The following GRAMD1A variants were observed in gnomAD, a reference collection of about 807,000 sequenced individuals.
GRAMD1A encodes protein Aster-A.
A neutral mutation model predicts 92.0 loss-of-function variants in GRAMD1A; 50 were observed. The ratio of observed to expected loss-of-function variants is 0.54; its 90% CI spans 0.43 to 0.69. The LOEUF (loss-of-function observed/expected upper bound fraction) is 0.69. Ranked by LOEUF, GRAMD1A falls within the 30% of genes least tolerant of loss-of-function variation. The pLI is 0.00. For synonymous variants in GRAMD1A, 405 were observed against 403.6 expected, an observed-to-expected ratio of 1.00 and a Z score of -0.04; for missense variants, 819 against 978.9, an observed-to-expected ratio of 0.84 and a Z score of 2.18.
Position 35,014,185 on chromosome 19 carries a change from A to AGAG in GRAMD1A, c.871-4_871-3insGAG. 3 of 1,612,374 alleles carry AGAG rather than the reference A, an allele frequency of 1.9e-6. 1 individual carries two copies. ...CCAAGGCTGCATCGGGCCTTTCTCC[A>AGAG]CAGGCAGAGGAGGACAAGGAGGAGC... On this transcript the variant is annotated splice_region_variant and splice_polypyrimidine_tract_variant and intron_variant, in intron 9 of 19. Transcript: ENST00000317991.
chr19:35,009,615 CCT>C (rs1255194619), intron 3 of GRAMD1A, 172 bp downstream of exon 3: 36 of 697,876 alleles, frequency 5.2e-5, no homozygotes, highest in African/African-American at 4.6e-4. Context: ...AGTTACTTAA[CCT>C]CTCTGGGCCT....
intron 19 of GRAMD1A, 154 bp downstream of exon 19, chr19:35,023,701 G>A (rs2016248612): frequency 2.9e-6 from 2 of 679,058 alleles, no homozygotes; most frequent in African/African-American, 3.6e-5. Context: ...CCACAGCATT[G>A]CAGGGGAAAG....
chr19:35,014,906 C>T lies in GRAMD1A; in HGVS notation c.1069+519C>T, dbSNP rs561875453. On this transcript the variant is annotated intron_variant, in intron 10 of 19. Coordinates refer to ENST00000317991, the MANE Select transcript of GRAMD1A (RefSeq NM_020895.5). ...AAAAAACTAGGTGTGGTGGTGCACA[C>T]CTATAGTACCAGCTACTTGGCAGAC... 1.8e-5 allele frequency: 3 copies of T among 165,168 alleles called. No homozygotes were observed. In the South Asian group the frequency reaches 4.4e-4, roughly 24 times the overall value. The allele number at this position is 165,168 out of a possible 1,614,324, so 10.2% of individuals were successfully genotyped here.
Position 35,026,146 on chromosome 19 carries a change from C to T in GRAMD1A, c.*5C>T, listed in dbSNP as rs764025202. On this transcript the variant is annotated 3_prime_UTR_variant, in exon 20 of 20. Coordinates refer to ENST00000317991, the MANE Select transcript of GRAMD1A (RefSeq NM_020895.5). ...CCCGATGACAGCTTTTCCTGAGGAC[C>T]CCGGCCACGCAGCTGTTCCCCCACA... 21 of 1,457,816 alleles carry T rather than the reference C, an allele frequency of 1.4e-5. No individual in the cohort carries two copies. The highest frequency in any genetic ancestry group is 3.4e-5 in the South Asian group (3 of 88,018). The allele number at this position is 1,457,816 out of a possible 1,614,324, so 90.3% of individuals were successfully genotyped here. A position where few individuals can be genotyped will look rare whatever the true frequency, so the allele number is the denominator to read the frequency against.
At chr19:35,011,661 G>A in intron 7 of GRAMD1A, 107 bp downstream of exon 7, 1 of 769,620 alleles carries the variant, frequency 1.3e-6, no homozygotes. Context: ...TCTTCTCCAT[G>A]GGCACCAGGC....
At chr19:35,011,659 A>G (rs1191198768) in intron 7 of GRAMD1A, 105 bp downstream of exon 7, 2 of 781,822 alleles carry the variant, frequency 2.6e-6, no homozygotes, top group Admixed American at 2.3e-5. Flanking sequence ...GCTCTTCTCC[A>G]TGGGCACCAG....
chr19:34,998,244 C>T (rs2151693386), upstream of GRAMD1A: 2 of 151,206 alleles, frequency 1.3e-5, no homozygotes, highest in Admixed American at 1.3e-4. Context: ...GGCAAAATGT[C>T]CACATCTATT....
At chr19:35,007,163 C>T (rs890827030) in intron 1 of GRAMD1A, among the ~76,000 whole-genome samples, 1 of 152,134 alleles carries the variant, frequency 6.6e-6, no homozygotes, top group African/African-American at 2.4e-5. Context: ...CTCAGATGGT[C>T]ACAGGTCTCC....
In GRAMD1A at chr19:35,009,401, ACTCCT is replaced by A. The variant is rs779608949; in HGVS notation, c.220-16_220-12del. The A allele has an allele frequency of 6.8e-6, 11 of 1,612,950 alleles. No homozygotes were observed. The highest frequency in any genetic ancestry group is 1.6e-4 in the Middle Eastern group (1 of 6,084). On this transcript the variant is annotated splice_polypyrimidine_tract_variant and intron_variant, in intron 2 of 19. Coordinates refer to ENST00000317991, the MANE Select transcript of GRAMD1A (RefSeq NM_020895.5). ...GCCGGTGATCTAGGGGCTCATCCTG[ACTCCT>A]CTCCTTTTCTTTGCAGAAGATGCAG...
At chr19:35,009,517 C>T (rs986048546) in intron 3 of GRAMD1A, 74 bp downstream of exon 3, 1 of 1,505,132 alleles carries the variant, frequency 6.6e-7, no homozygotes, top group African/African-American at 1.4e-5. Flanking sequence ...CAGGCTGCAA[C>T]AGTCAAGGAG....
intron 19 of GRAMD1A, among the ~76,000 whole-genome samples, chr19:35,025,634 T>G (rs898135134): frequency 6.6e-6 from 1 of 152,192 alleles, no homozygotes; most frequent in Admixed American, 6.5e-5. Context: ...GAGTGGGTAA[T>G]GGTGACAGCT....
In GRAMD1A at chr19:35,014,272, G is replaced by A. The variant is rs2015465075; in HGVS notation, c.954G>A (p.Pro318=). The change falls in exon 10 of 20, where the codon CCG becomes CCA. Residue 318 remains proline (P), a synonymous_variant. Transcript: ENST00000317991. ...SQTVTPVAEP[P]STEPTQPDGP... ...CAGTGACCCCGGTGGCTGAACCCCC[G>A]AGCACAGAGCCCACCCAGCCTGACG... 8.1e-6 allele frequency: 13 copies of A among 1,613,956 alleles called. No individual in the cohort carries two copies. The highest frequency in any genetic ancestry group is 9.3e-6 in the Non-Finnish European group (11 of 1,179,976).
At chr19:35,022,208 A>G (rs2016108985) in intron 16 of GRAMD1A, among the ~76,000 whole-genome samples, 170 bp downstream of exon 16, 1 of 152,110 alleles carries the variant, frequency 6.6e-6, no homozygotes, top group Non-Finnish European at 1.5e-5. Flanking sequence ...TTTGTCATGG[A>G]GAAGCCTTCC....
upstream of GRAMD1A, chr19:34,996,334 T>G (rs754645715): frequency 4.0e-4 from 567 of 1,423,836 alleles, 1 homozygote; most frequent in Non-Finnish European, 5.0e-4. Flanking sequence ...TCTCTCTGTC[T>G]AGGGAGGGTT....
Position 35,023,521 on chromosome 19 carries a change from C to T in GRAMD1A, c.2056C>T (p.Arg686Trp), listed in dbSNP as rs756726505. The part of the protein sequence containing the change: ...VEVHKWRQIL[R>W]ASVELLDEMK... The stretch of plus-strand genomic sequence containing the variant: ...GGTGCACAAGTGGAGGCAGATCCTG[C>T]GGGCCTCCGTGGAGCTCCTGGATGA... Residue 686 changes from arginine (R) to tryptophan (W), a missense_variant, in exon 19 of 20, where the codon CGG (arginine) becomes TGG (tryptophan). By Grantham distance (101) the Arg-to-Trp change is moderately radical (BLOSUM62 -3). Around this residue, in one of 3 missense-constraint regions of GRAMD1A, gnomAD observed 577 missense variants for 674.6 expected, o/e 0.86. Coordinates refer to ENST00000317991, the MANE Select transcript of GRAMD1A (RefSeq NM_020895.5). 11 of 1,580,076 alleles carry T rather than the reference C, an allele frequency of 7.0e-6. No individual in the cohort carries two copies. The highest frequency in any genetic ancestry group is 2.3e-5 in the South Asian group (2 of 87,294).
At chr19:35,010,252 C>T in intron 5 of GRAMD1A, 32 bp from the exon 6 acceptor site, 1 of 1,590,622 alleles carries the variant, frequency 6.3e-7, no homozygotes, top group African/African-American at 1.3e-5. Context: ...CAGGCCCCAC[C>T]CCGCTCCTAT....
In GRAMD1A at chr19:35,013,125, G is replaced by C. The variant is rs368086389; in HGVS notation, c.607-131G>C. ...TCCCCGCTTGCTGAGGCCAGGTCTG[G>C]TGCGGGAGATCGTGGCTGCCTCCTT... On this transcript the variant is annotated intron_variant, in intron 7 of 19. Transcript: ENST00000317991. The surrounding 1 kb of genome is among the most constrained non-coding windows in gnomAD (Gnocchi z 4.9). 2 of 614,842 alleles carry C rather than the reference G, an allele frequency of 3.3e-6. No individual in the cohort carries two copies. Among genetic ancestry groups the C allele is most frequent in the South Asian group, 3.6e-5 (2 of 55,518 alleles). The allele number at this position is 614,842 out of a possible 1,614,324, so 38.1% of individuals were successfully genotyped here. A position where few individuals can be genotyped will look rare whatever the true frequency, so the allele number is the denominator to read the frequency against.
chr19:35,005,580 A>G lies in GRAMD1A; in HGVS notation c.9-3539A>G, dbSNP rs77051062. ...GGGCAGGGATGGGAACAGGGAGACC[A>G]GGGAGGAGGCTGCTGGGATGGCCCA... is the stretch of plus-strand genomic sequence containing the variant. On this transcript the variant is annotated intron_variant, in intron 1 of 19. Coordinates refer to ENST00000317991, the MANE Select transcript of GRAMD1A (RefSeq NM_020895.5). Among the ~76,000 whole-genome samples, 10 of 152,294 alleles carry G rather than the reference A, an allele frequency of 6.6e-5. No homozygotes were observed. The East Asian group carries it at 1.9e-3, about 29-fold the overall frequency.
upstream of GRAMD1A, chr19:35,000,047 C>G: frequency 4.1e-6 from 4 of 985,724 alleles, no homozygotes; most frequent in Non-Finnish European, 3.6e-6. The surrounding 1 kb of genome is among the most constrained non-coding windows in gnomAD (Gnocchi z 4.9). Flanking sequence ...GGACCCTTTT[C>G]TAGGTACTAG....
Sources: allele counts gnomAD v4.1 joint callset (sites outside exome capture counted in the v4.1 genomes callset), GRCh38; gene constraint gnomAD v4.1.1; regional missense constraint gnomAD v4.1.1; non-coding constraint Gnocchi (gnomAD v3.1); transcripts MANE v1.5; gene names NCBI Gene and HGNC (gene_info 2026-07-23, HGNC 2026-07-21).